Variants in FAM107B observed in about 807,000 individuals in gnomAD.
FAM107B encodes protein FAM107B.
Under a neutral mutation model 31.5 loss-of-function variants are expected in FAM107B, and 21 were observed. The ratio of observed to expected loss-of-function variants is 0.67; its 90% confidence interval spans 0.47 to 0.96. The LOEUF (loss-of-function observed/expected upper bound fraction) is 0.96, where lower values mean the gene tolerates loss of function less well. Ranked by LOEUF, FAM107B falls within the 40% of genes least tolerant of loss-of-function variation. The probability of loss-of-function intolerance (pLI) is 0.00; values close to 1 mark genes in which losing one functional copy is unlikely to be tolerated. For synonymous variants in FAM107B, 157 were observed against 141.5 expected (o/e 1.11, Z -0.78); for missense variants, 452 against 377.1 (o/e 1.20, Z -1.64).
At chr10:14,755,496 CA>C (rs561070511) in intron 1 of FAM107B, among the ~76,000 whole-genome samples, 3,556 of 113,646 alleles carry the variant, frequency 0.031, 52 homozygotes, top group Non-Finnish European at 0.046. Context: ...GATTCTGTCT[CA>C]AAAAAAAAAA....
intron 2 of FAM107B, among the ~76,000 whole-genome samples, chr10:14,608,322 G>T (rs560689877): frequency 1.3e-5 from 2 of 152,272 alleles, no homozygotes; most frequent in East Asian, 3.9e-4. Flanking sequence ...TTTAAGCCAC[G>T]CTCTCTCATT....
chr10:14,724,757 A>G (rs749556364), intron 1 of FAM107B, among the ~76,000 whole-genome samples: 6 of 152,106 alleles, frequency 3.9e-5, no homozygotes, highest in Non-Finnish European at 8.8e-5. Context: ...GAGGACAGGA[A>G]AAAGACTGAA....
At chr10:14,626,494 C>T (rs1471471773) in intron 2 of FAM107B, among the ~76,000 whole-genome samples, 7 of 131,620 alleles carry the variant, frequency 5.3e-5, no homozygotes, top group African/African-American at 8.2e-5. Flanking sequence ...GAATTTGAGG[C>T]GGATCTTTTT....
In FAM107B at chr10:14,771,854, AG is replaced by A. The variant is rs553877611; in HGVS notation, c.411+2398del. Among the ~76,000 whole-genome samples the A allele has an allele frequency of 1.4e-3, 209 of 152,318 alleles. 2 individuals carry two copies. Among genetic ancestry groups the A allele is most frequent in the African/African-American group, 4.5e-3 (187 of 41,568 alleles). ...TTTAAATGTGATTGAGTATCAAGCG[AG>A]ATCACATATGAATAGTTGATCCTAA... On this transcript the variant is annotated intron_variant, in intron 1 of 4. Transcript: ENST00000181796.
At chr10:14,692,239 C>T (rs1855155568) in intron 1 of FAM107B, among the ~76,000 whole-genome samples, 1 of 152,130 alleles carries the variant, frequency 6.6e-6, no homozygotes, top group Admixed American at 6.6e-5. Context: ...ACAAGCAAAA[C>T]AAGGCGTACC....
chr10:14,650,501 G>C (rs975084680), intron 2 of FAM107B, among the ~76,000 whole-genome samples: 1 of 152,118 alleles, frequency 6.6e-6, no homozygotes. Context: ...GGCCAGGCTG[G>C]TCTCGAACTC....
Position 14,737,766 on chromosome 10 carries a change from T to TTCTCTCTCTCTCTCTCTCTCTCTCTC in FAM107B, c.411+36461_411+36486dup, listed in dbSNP as rs11276189. Among the ~76,000 whole-genome samples the TTCTCTCTCTCTCTCTCTCTCTCTCTC allele has an allele frequency of 5.9e-3, 744 of 127,000 alleles. 49 individuals carry two copies. The highest frequency in any genetic ancestry group is 0.036 in the East Asian group (137 of 3,854). The allele number at this position is 127,000 out of a possible 152,430, so 83.3% of individuals were successfully genotyped here. On this transcript the variant is annotated intron_variant, in intron 1 of 4. Transcript: ENST00000181796. ...CCATGCAGTGCTGTGCGTGCACGCT[T>TTCTCTCTCTCTCTCTCTCTCTCTCTC]TCTCTCTCTCTCTCTCTCTCTCTCT...
At chr10:14,673,778 A>AT (rs994841545) in intron 1 of FAM107B, among the ~76,000 whole-genome samples, 1 of 151,604 alleles carries the variant, frequency 6.6e-6, no homozygotes, top group African/African-American at 2.4e-5. Flanking sequence ...GGCGTTTGTT[A>AT]TTTTTTTGTC....
chr10:14,671,068 C>T (rs532459971), intron 1 of FAM107B, among the ~76,000 whole-genome samples: 1 of 100,314 alleles, frequency 1.0e-5, no homozygotes, highest in South Asian at 2.8e-4. Context: ...TCTTTAAAGC[C>T]ATCTCATCCC....
At chr10:14,577,514 C>A (rs1851503010) in intron 2 of FAM107B, among the ~76,000 whole-genome samples, 1 of 152,210 alleles carries the variant, frequency 6.6e-6, no homozygotes. Flanking sequence ...AAAAAATGTT[C>A]TAGTCTTAAA....
chr10:14,707,788 C>T (rs1306436709), intron 1 of FAM107B, among the ~76,000 whole-genome samples: 1 of 152,200 alleles, frequency 6.6e-6, no homozygotes, highest in African/African-American at 2.4e-5. Flanking sequence ...CCCACTTCAT[C>T]ATACTAGTGA....
chr10:14,694,913 G>T (rs1483021531), intron 1 of FAM107B, among the ~76,000 whole-genome samples: 7 of 152,220 alleles, frequency 4.6e-5, no homozygotes, highest in Non-Finnish European at 1.0e-4. Flanking sequence ...CCCCTTATCA[G>T]AGATATATTT....
At chr10:14,568,083 G>A (rs1850831586) in intron 2 of FAM107B, among the ~76,000 whole-genome samples, 1 of 152,324 alleles carries the variant, frequency 6.6e-6, no homozygotes, top group African/African-American at 2.4e-5. Flanking sequence ...TTCAAGGAAC[G>A]AATGAGGAGC....
chr10:14,535,740 G>A (rs1847541346), intron 2 of FAM107B, among the ~76,000 whole-genome samples: 1 of 152,218 alleles, frequency 6.6e-6, no homozygotes, highest in Non-Finnish European at 1.5e-5. Context: ...AGATTTTCAA[G>A]CTGTTGAGTA....
chr10:14,672,451 C>A (rs906886114), intron 1 of FAM107B, among the ~76,000 whole-genome samples: 1 of 152,204 alleles, frequency 6.6e-6, no homozygotes, highest in African/African-American at 2.4e-5. Flanking sequence ...CAAGAATGTA[C>A]TATTAAAATT....
At chr10:14,683,933 G>C (rs1212855078) in intron 1 of FAM107B, among the ~76,000 whole-genome samples, 1 of 152,216 alleles carries the variant, frequency 6.6e-6, no homozygotes, top group East Asian at 1.9e-4. Flanking sequence ...CAGTTAAAGA[G>C]AGAAGCGTGT....
intron 1 of FAM107B, among the ~76,000 whole-genome samples, chr10:14,713,499 A>G (rs1855710154): frequency 1.3e-5 from 2 of 152,224 alleles, no homozygotes; most frequent in Non-Finnish European, 2.9e-5. Context: ...AGGGGGAAAC[A>G]GCGGAAAACT....
rs1463677932 is a variant in FAM107B, at chr10:14,663,920, G to A, written c.469+3714C>T. On this transcript the variant is annotated intron_variant, in intron 2 of 4. Coordinates refer to ENST00000181796, the MANE Select transcript of FAM107B (RefSeq NM_031453.4). ...AAAAAAAAAAAAAAAAAAATGGGCT[G>A]AACTCCAAGCAAGTATCACTTGGAA... is the stretch of plus-strand genomic sequence containing the variant. 2.1e-5 allele frequency among the ~76,000 whole-genome samples: 3 copies of A among 142,586 alleles called. No individual in the cohort carries two copies. The South Asian group carries it at 6.7e-4, about 32-fold the overall frequency. 93.5% of individuals were successfully genotyped at this position (142,586 alleles called of 152,430 possible).
At chr10:14,587,092 A>G (rs1851868909) in intron 2 of FAM107B, among the ~76,000 whole-genome samples, 1 of 152,332 alleles carries the variant, frequency 6.6e-6, no homozygotes, top group South Asian at 2.1e-4. Flanking sequence ...ACCTGTGTAC[A>G]GGCACTGTGC....
Sources: gnomAD v4.1 joint callset for allele counts (sites outside exome capture counted in the v4.1 genomes callset) on GRCh38, gnomAD v4.1.1 for gene constraint, MANE v1.5 for transcripts, NCBI Gene and HGNC (gene_info 2026-07-23, HGNC 2026-07-21) for gene names.